The following HHAT variants were observed in gnomAD, a reference collection of about 807,000 sequenced individuals.
HHAT encodes hedgehog acyltransferase.
Under a neutral mutation model 70.8 loss-of-function variants are expected in HHAT, and 47 were observed. The ratio of observed to expected loss-of-function variants is 0.66; its 90% CI spans 0.53 to 0.85. HHAT has a LOEUF of 0.85. Ranked by LOEUF, HHAT falls within the 40% of genes least tolerant of loss-of-function variation. HHAT has a pLI of 0.00. For synonymous variants in HHAT, 228 were observed against 247.6 expected (o/e 0.92, Z 0.74); for missense variants, 609 against 604.8 (o/e 1.01, Z -0.07).
chr1:210,329,018 T>C lies in HHAT; in HGVS notation c.-130T>C, dbSNP rs2084744706. On this transcript the variant is annotated 5_prime_UTR_variant, in exon 1 of 12. Coordinates refer to ENST00000261458, the MANE Select transcript of HHAT (RefSeq NM_018194.6). Reference sequence around the variant, plus strand: ...AGCCCGCAGCCGCCGCCGATGTCGCTGGGACTCGGAAGTGCCGAAAGAGGG... The same window carrying C: ...AGCCCGCAGCCGCCGCCGATGTCGCCGGGACTCGGAAGTGCCGAAAGAGGG... 1.4e-6 allele frequency: 2 copies of C among 1,398,972 alleles called. No individual in the cohort carries two copies. Among genetic ancestry groups the C allele is most frequent in the African/African-American group, 3.0e-5 (2 of 66,706 alleles). The allele number at this position is 1,398,972 out of a possible 1,614,324, so 86.7% of individuals were successfully genotyped here.
intron 9 of HHAT, among the ~76,000 whole-genome samples, chr1:210,572,983 A>G (rs1408320416): frequency 6.6e-6 from 1 of 152,206 alleles, no homozygotes; most frequent in Non-Finnish European, 1.5e-5. Flanking sequence ...GCAGAGGGGT[A>G]GGGAAAATGG....
intron 10 of HHAT, among the ~76,000 whole-genome samples, chr1:210,593,665 T>A (rs1218838945): frequency 6.6e-6 from 1 of 152,208 alleles, no homozygotes; most frequent in East Asian, 1.9e-4. Context: ...ACAGAAATGT[T>A]CTGTAAATGT....
intron 10 of HHAT, among the ~76,000 whole-genome samples, chr1:210,606,099 G>T (rs560797244): frequency 1.2e-3 from 176 of 152,020 alleles, no homozygotes; most frequent in Admixed American, 4.2e-3. Flanking sequence ...CTCAGGTCAG[G>T]TCCATCTGCC....
intron 7 of HHAT, among the ~76,000 whole-genome samples, chr1:210,449,936 A>T (rs2093714852): frequency 6.6e-6 from 1 of 152,060 alleles, no homozygotes; most frequent in African/African-American, 2.4e-5. Context: ...CAGAGGGAGG[A>T]TGCATCCACA....
At chr1:210,499,615 C>T (rs1429944126) in intron 8 of HHAT, among the ~76,000 whole-genome samples, 1 of 150,022 alleles carries the variant, frequency 6.7e-6, no homozygotes, top group African/African-American at 2.5e-5. Flanking sequence ...TGCACTCCAA[C>T]CTGGGTGACA....
intron 10 of HHAT, among the ~76,000 whole-genome samples, chr1:210,613,901 T>TCCCA (rs761626238): frequency 6.6e-6 from 1 of 151,626 alleles, no homozygotes; most frequent in Non-Finnish European, 1.5e-5. Flanking sequence ...ACACCTGTGG[T>TCCCA]CCCAGCTTCT....
chr1:210,367,001 A>C (rs1290147923), intron 3 of HHAT, among the ~76,000 whole-genome samples: 1 of 152,174 alleles, frequency 6.6e-6, no homozygotes, highest in East Asian at 1.9e-4. Context: ...GCTCAAGTCC[A>C]TATGGAGCGC....
intron 9 of HHAT, among the ~76,000 whole-genome samples, chr1:210,569,030 T>C (rs534134245): frequency 8.5e-5 from 13 of 152,162 alleles, no homozygotes; most frequent in African/African-American, 3.1e-4. Context: ...CCAGAATTGC[T>C]TGCTTGCTTG....
At chr1:210,672,139 C>G (rs116396357) in intron 11 of HHAT, among the ~76,000 whole-genome samples, 1 of 152,186 alleles carries the variant, frequency 6.6e-6, no homozygotes, top group African/African-American at 2.4e-5. Flanking sequence ...ATTTGAGATT[C>G]ATTAACTTGC....
intron 8 of HHAT, among the ~76,000 whole-genome samples, chr1:210,467,748 G>A (rs1200889723): frequency 6.6e-6 from 1 of 152,118 alleles, no homozygotes; most frequent in Non-Finnish European, 1.5e-5. Flanking sequence ...AAAGATCTAC[G>A]CTGAATGAGG....
intron 1 of HHAT, among the ~76,000 whole-genome samples, chr1:210,338,065 G>A (rs1262490779): frequency 5.3e-5 from 8 of 152,236 alleles, no homozygotes; most frequent in African/African-American, 1.7e-4. Flanking sequence ...GAGGATCTGG[G>A]GACAGGCATG....
At chr1:210,508,628 C>CT (rs1413913629) in intron 8 of HHAT, among the ~76,000 whole-genome samples, 9 of 152,058 alleles carry the variant, frequency 5.9e-5, no homozygotes, top group Non-Finnish European at 1.0e-4. Context: ...GATAATGGCT[C>CT]TTATGAAGAG....
At chr1:210,429,992 A>G (rs2093195878) in intron 7 of HHAT, among the ~76,000 whole-genome samples, 1 of 151,904 alleles carries the variant, frequency 6.6e-6, no homozygotes, top group Non-Finnish European at 1.5e-5. Context: ...CTGGAGCTGA[A>G]TACAGTTTAT....
chr1:210,539,125 G>A (rs1480898441), intron 9 of HHAT, among the ~76,000 whole-genome samples: 1 of 152,114 alleles, frequency 6.6e-6, no homozygotes, highest in African/African-American at 2.4e-5. Flanking sequence ...ACATTCTGCT[G>A]TAATTTTTGA....
Position 210,362,832 on chromosome 1 carries a change from GA to G in HHAT, c.92-19del. 6.3e-7 allele frequency: 1 copy of G among 1,596,714 alleles called. No individual in the cohort carries two copies. Among genetic ancestry groups the G allele is most frequent in the Non-Finnish European group, 8.6e-7 (1 of 1,165,034 alleles). The stretch of plus-strand genomic sequence containing the variant: ...TTTGTTTAGATTTGTGACTAACGAA[GA>G]CTTTTTTTTTTTGGTCAGAACACGA... On this transcript the variant is annotated intron_variant, in intron 2 of 11. Coordinates refer to ENST00000261458, the MANE Select transcript of HHAT (RefSeq NM_018194.6).
intron 3 of HHAT, chr1:210,374,029 CAA>C (rs774892978): frequency 3.3e-5 from 5 of 152,180 alleles, no homozygotes; most frequent in Admixed American, 3.3e-4. Flanking sequence ...ACATGGAAAA[CAA>C]GAGTTAACTG....
intron 7 of HHAT, among the ~76,000 whole-genome samples, chr1:210,437,685 G>A (rs898672898): frequency 2.6e-5 from 4 of 151,756 alleles, no homozygotes; most frequent in South Asian, 2.1e-4. Context: ...TTAGACTGCC[G>A]GGCCCTTTTG....
intron 10 of HHAT, among the ~76,000 whole-genome samples, chr1:210,593,539 G>A (rs920959594): frequency 2.0e-5 from 3 of 152,096 alleles, no homozygotes; most frequent in African/African-American, 7.2e-5. Flanking sequence ...GAAGATAGTG[G>A]ATATCATTTC....
At chr1:210,590,512 C>T (rs937863816) in intron 10 of HHAT, 3 of 112,070 alleles carry the variant, frequency 2.7e-5, no homozygotes, top group Non-Finnish European at 3.3e-5. Context: ...AAATTCAGAC[C>T]CAGGAGAGCT....
Sources: gnomAD v4.1 joint callset for allele counts (sites outside exome capture counted in the v4.1 genomes callset) on GRCh38, gnomAD v4.1.1 for gene constraint, MANE v1.5 for transcripts, NCBI Gene and HGNC (gene_info 2026-07-23, HGNC 2026-07-21) for gene names.